FNBP1: variants seen among roughly 807,000 people sequenced by gnomAD.
The protein encoded by FNBP1 is formin-binding protein 1.
In FNBP1, 26 loss-of-function variants were observed where a neutral mutation model predicts 90.6. That is an observed-to-expected ratio of 0.29 (90% CI 0.21 to 0.40). The LOEUF (loss-of-function observed/expected upper bound fraction) is 0.40. FNBP1 is among the 10% of genes least tolerant of loss of function. FNBP1 has a pLI of 1.00. For missense variants in FNBP1, 635 were observed against 768.0 expected, an observed-to-expected ratio of 0.83 and a Z score of 2.05; for synonymous variants, 260 against 265.2, an observed-to-expected ratio of 0.98 and a Z score of 0.19.
intron 1 of FNBP1, among the ~76,000 whole-genome samples, chr9:130,007,863 A>T: frequency 6.6e-6 from 1 of 152,008 alleles, no homozygotes; most frequent in East Asian, 1.9e-4. Flanking sequence ...TAAAAATACA[A>T]AAATTAGCTG....
At chr9:129,903,783 G>A (rs1236771060) in intron 12 of FNBP1, among the ~76,000 whole-genome samples, 2 of 151,626 alleles carry the variant, frequency 1.3e-5, no homozygotes, top group Admixed American at 6.6e-5. Flanking sequence ...CACCTGCCTC[G>A]GCCTCCCAAA....
chr9:129,971,084 G>A (rs6478932), intron 4 of FNBP1, among the ~76,000 whole-genome samples: 1 of 151,434 alleles, frequency 6.6e-6, no homozygotes, highest in African/African-American at 2.4e-5. Context: ...GTAGAGACAG[G>A]GTTTCACCAC....
In FNBP1 at chr9:129,908,982, A is replaced by C; in HGVS notation, c.1203T>G (p.Asp401Glu). The C allele has an allele frequency of 6.2e-7, 1 of 1,613,284 alleles. No homozygotes were observed. The highest frequency in any genetic ancestry group is 8.5e-7 in the Non-Finnish European group (1 of 1,179,418). The stretch of plus-strand genomic sequence containing the variant: ...TTTGTTCAGGTGGGAGGTTGCTGAA[A>C]TCCTCCGGTGTTGCACCCTGCAGAC... Reference protein sequence around the residue: ...LSLKLGATPEDFSNLPPEQRR... With the variant: ...LSLKLGATPEEFSNLPPEQRR... Residue 401 changes from aspartate to glutamate, a missense_variant, in exon 12 of 17, where the codon GAT becomes GAG. By Grantham distance (45) the Asp-to-Glu change is conservative. Coordinates refer to ENST00000446176, the MANE Select transcript of FNBP1 (RefSeq NM_015033.3).
At chr9:129,898,846 C>T (rs368920414) in intron 15 of FNBP1, among the ~76,000 whole-genome samples, 52 of 152,110 alleles carry the variant, frequency 3.4e-4, no homozygotes, top group Middle Eastern at 3.4e-3. Flanking sequence ...CCATATCATA[C>T]GACCTGCATC....
chr9:130,045,642 G>A (rs1329853287), upstream of FNBP1, among the ~76,000 whole-genome samples: 1 of 152,194 alleles, frequency 6.6e-6, no homozygotes, highest in African/African-American at 2.4e-5. Context: ...CTCTATGGAT[G>A]TGAGTTAATT....
chr9:129,899,716 G>A (rs992656471), intron 15 of FNBP1, among the ~76,000 whole-genome samples: 8 of 146,720 alleles, frequency 5.5e-5, no homozygotes, highest in African/African-American at 7.5e-5. Flanking sequence ...GCAAGAGAGC[G>A]AGACCCTGTA....
At chr9:130,018,575 AT>A (rs2057491745) in intron 1 of FNBP1, among the ~76,000 whole-genome samples, 1 of 151,618 alleles carries the variant, frequency 6.6e-6, no homozygotes, top group African/African-American at 2.4e-5. Flanking sequence ...TTATTTATTT[AT>A]TTATTTAGAG....
chr9:129,984,097 G>C (rs1247677911), intron 2 of FNBP1, among the ~76,000 whole-genome samples: 2 of 152,060 alleles, frequency 1.3e-5, no homozygotes, highest in Non-Finnish European at 2.9e-5. Flanking sequence ...TGCAACAGAA[G>C]GTCTAGGGTG....
rs577287720 is a variant in FNBP1 at position 129,921,301 on chromosome 9, T to C, written c.1170+2543A>G. Among the ~76,000 whole-genome samples the C allele has an allele frequency of 3.3e-5, 5 of 152,170 alleles. No individual in the cohort carries two copies. The South Asian group carries it at 1.0e-3, about 32-fold the overall frequency. On this transcript the variant is annotated intron_variant, in intron 10 of 16. Transcript: ENST00000446176. ...TTTTTTTGGAGAAAGGGTCTCACTC[T>C]GTTGCCCTGGCTGGGCTCCAGCAAT...
chr9:129,899,808 G>T (rs1449278359), intron 15 of FNBP1, among the ~76,000 whole-genome samples, 157 bp downstream of exon 15: 4 of 135,838 alleles, frequency 2.9e-5, no homozygotes, highest in Non-Finnish European at 4.7e-5. Context: ...GGAAGGGGAA[G>T]GGGAAGGGGA....
At chr9:129,975,178 A>G (rs4355895) in intron 4 of FNBP1, among the ~76,000 whole-genome samples, 146,994 of 152,340 alleles carry the variant, frequency 0.96, 71,134 homozygotes, top group East Asian at 1. Flanking sequence ...GAGTTTGTGC[A>G]ACTGCACTCC....
intron 11 of FNBP1, among the ~76,000 whole-genome samples, chr9:129,911,995 C>T (rs569799321): frequency 6.6e-6 from 1 of 151,616 alleles, no homozygotes; most frequent in Non-Finnish European, 1.5e-5. Flanking sequence ...GTTCTGTGAG[C>T]TGCTCCTGCA....
chr9:129,978,401 C>A, intron 4 of FNBP1, 64 bp downstream of exon 4: 1 of 1,320,580 alleles, frequency 7.6e-7, no homozygotes, highest in Non-Finnish European at 1.1e-6. Context: ...TTTTAATCTT[C>A]TAGGGATATT....
chr9:129,912,004 C>A (rs2039386235), intron 11 of FNBP1, among the ~76,000 whole-genome samples: 1 of 151,636 alleles, frequency 6.6e-6, no homozygotes, highest in African/African-American at 2.4e-5. Context: ...GCTGCTCCTG[C>A]AAATTAATTG....
chr9:130,050,474 C>T, the FNBP1 span, among the ~76,000 whole-genome samples: 1 of 152,060 alleles, frequency 6.6e-6, no homozygotes, highest in Non-Finnish European at 1.5e-5. Flanking sequence ...GAGGCATTCC[C>T]GACACCCCAA....
At chr9:129,981,085 T>A (rs1473110175) in intron 2 of FNBP1, among the ~76,000 whole-genome samples, 4 of 149,164 alleles carry the variant, frequency 2.7e-5, no homozygotes, top group Non-Finnish European at 5.9e-5. Flanking sequence ...AGCCATAGCA[T>A]GTTTTCTTGT....
chr9:130,033,445 C>G (rs1000727293), intron 1 of FNBP1, among the ~76,000 whole-genome samples: 1 of 152,156 alleles, frequency 6.6e-6, no homozygotes, highest in Admixed American at 6.6e-5. Flanking sequence ...AATAGAAGTA[C>G]AAGGGGAGGA....
intron 1 of FNBP1, among the ~76,000 whole-genome samples, chr9:130,036,951 G>A (rs2059371179): frequency 1.3e-5 from 2 of 151,740 alleles, no homozygotes; most frequent in African/African-American, 4.8e-5. Context: ...AGGCTGAGGC[G>A]GGAGAATGGT....
chr9:129,933,525 A>G (rs2043045761), intron 6 of FNBP1: 1 of 152,160 alleles, frequency 6.6e-6, no homozygotes, highest in Non-Finnish European at 1.5e-5. Context: ...GTAATCCTGA[A>G]AACATAACAA....
Sources: allele counts gnomAD v4.1 joint callset (sites outside exome capture counted in the v4.1 genomes callset), GRCh38; gene constraint gnomAD v4.1.1; transcripts MANE v1.5; gene names NCBI Gene and HGNC (gene_info 2026-07-23, HGNC 2026-07-21).